Variants in SPAG5 observed in about 807,000 individuals in gnomAD.
SPAG5 encodes sperm associated antigen 5, also known as sperm-associated antigen 5.
A neutral mutation model predicts 145.4 loss-of-function variants in SPAG5; 99 were observed. That is an observed-to-expected ratio of 0.68 (90% CI 0.58 to 0.80). The LOEUF (loss-of-function observed/expected upper bound fraction) is 0.80, where lower values mean the gene tolerates loss of function less well. Ranked by LOEUF, SPAG5 falls within the 30% of genes least tolerant of loss-of-function variation. The pLI is 0.00. For synonymous variants in SPAG5, 477 were observed against 525.4 expected, an observed-to-expected ratio of 0.91 and a Z score of 1.26; for missense variants, 1,192 against 1,416.0, an observed-to-expected ratio of 0.84 and a Z score of 2.54.
At position 28,579,822 on chromosome 17, in the gene SPAG5, GGAGTT is replaced by G. The variant is rs2151519273; in HGVS notation, c.2808_2812del (p.Thr937CysfsTer7). 1 of 1,614,178 alleles carries G rather than the reference GGAGTT, an allele frequency of 6.2e-7. No homozygotes were observed. Among genetic ancestry groups the G allele is most frequent in the East Asian group, 2.2e-5 (1 of 44,884 alleles). On this transcript the variant is annotated frameshift_variant, in exon 17 of 24. Transcript: ENST00000321765. LOFTEE classifies it high-confidence loss of function. ...CTTGTCACTTCCAAGCAAGGGCACA[GGAGTT>G]GATTCTGGCTCTAAGAGAAAAACCA... is the stretch of plus-strand genomic sequence containing the variant.
intron 4 of SPAG5, among the ~76,000 whole-genome samples, chr17:28,586,745 T>A (rs2070587855): frequency 6.6e-6 from 1 of 152,120 alleles, no homozygotes; most frequent in South Asian, 2.1e-4. Flanking sequence ...TTGGCCAGGC[T>A]GGTCTTGAAC....
At chr17:28,596,559 T>C (rs1255582262) in intron 2 of SPAG5, among the ~76,000 whole-genome samples, 1 of 151,662 alleles carries the variant, frequency 6.6e-6, no homozygotes, top group Non-Finnish European at 1.5e-5. Flanking sequence ...TCCCAGCTAC[T>C]AGGGAGGCTG....
chr17:28,585,332 G>C lies in SPAG5; in HGVS notation c.1940C>G (p.Ser647Cys). 6.2e-7 allele frequency: 1 copy of C among 1,614,058 alleles called. No homozygotes were observed. The highest frequency in any genetic ancestry group is 1.6e-4 in the Middle Eastern group (1 of 6,062). Residue 647 changes from serine to cysteine, a missense_variant, in exon 9 of 24, where the codon TCC becomes TGC. Physicochemically the swap from Ser to Cys is moderately radical, Grantham distance 112. Coordinates refer to ENST00000321765, the MANE Select transcript of SPAG5 (RefSeq NM_006461.4). ...CCAAATACTCACATCCAGTTGCATG[G>C]ACCTCCAGTCTTGTTGCAAGGTAGA... Reference protein sequence around the residue: ...LTSTLQQDWRSMQLDYTTWTA... With the variant: ...LTSTLQQDWRCMQLDYTTWTA...
intron 4 of SPAG5, among the ~76,000 whole-genome samples, chr17:28,590,868 C>CAAAA (rs60727111): frequency 4.5e-4 from 17 of 37,384 alleles, no homozygotes; most frequent in South Asian, 1.3e-3. Flanking sequence ...GACTCCGTCT[C>CAAAA]AAAAAAAAAA....
At chr17:28,593,951 C>T (rs2070642232) in intron 2 of SPAG5, among the ~76,000 whole-genome samples, 1 of 151,882 alleles carries the variant, frequency 6.6e-6, no homozygotes, top group South Asian at 2.1e-4. Context: ...ACTAGAATTA[C>T]TGGCCTGGAC....
chr17:28,577,865 A>G, intron 23 of SPAG5, 95 bp from the exon 24 acceptor site: 1 of 1,245,678 alleles, frequency 8.0e-7, no homozygotes, highest in Non-Finnish European at 1.2e-6. Context: ...GAGGGGAGAA[A>G]ACAGACACCA....
intron 4 of SPAG5, 36 bp downstream of exon 4, chr17:28,591,662 C>A: frequency 6.4e-7 from 1 of 1,554,316 alleles, no homozygotes; most frequent in Non-Finnish European, 8.8e-7. Flanking sequence ...AGGATCCCCA[C>A]TGGGATCCCT....
chr17:28,589,036 C>T (rs1220289395), intron 4 of SPAG5, among the ~76,000 whole-genome samples: 1 of 151,996 alleles, frequency 6.6e-6, no homozygotes, highest in African/African-American at 2.4e-5. Flanking sequence ...ACTAAGTACC[C>T]TTAAGTTTAA....
rs139465013 is a variant in SPAG5, at chr17:28,597,655, C to G, written c.177+855G>C. 4.8e-3 allele frequency among the ~76,000 whole-genome samples: 731 copies of G among 152,298 alleles called. 2 individuals carry two copies. Among genetic ancestry groups the G allele is most frequent in the South Asian group, 0.014 (68 of 4,826 alleles). ...ATACACTCTTCTTTCCTCCTCATAC[C>G]TATTTTATTGATATCCCATCTCCTT... On this transcript the variant is annotated intron_variant, in intron 2 of 23. Coordinates refer to ENST00000321765, the MANE Select transcript of SPAG5 (RefSeq NM_006461.4).
chr17:28,597,887 T>C (rs1317587764), intron 2 of SPAG5, among the ~76,000 whole-genome samples: 1 of 152,170 alleles, frequency 6.6e-6, no homozygotes, highest in African/African-American at 2.4e-5. Context: ...AAGAAAAGGA[T>C]AGCAATTTCT....
At chr17:28,587,784 C>G (rs1374874488) in intron 4 of SPAG5, among the ~76,000 whole-genome samples, 1 of 150,852 alleles carries the variant, frequency 6.6e-6, no homozygotes, top group African/African-American at 2.4e-5. Flanking sequence ...AGTATGCTTA[C>G]CAGCATTACC....
At chr17:28,587,015 A>G (rs964415225) in intron 4 of SPAG5, among the ~76,000 whole-genome samples, 1 of 152,144 alleles carries the variant, frequency 6.6e-6, no homozygotes, top group Non-Finnish European at 1.5e-5. Context: ...TCGGACTTCC[A>G]AAGTGCTCCT....
chr17:28,590,868 C>CAAA lies in SPAG5; in HGVS notation c.1437+827_1437+829dup, dbSNP rs60727111. 5.3e-3 allele frequency among the ~76,000 whole-genome samples: 198 copies of CAAA among 37,294 alleles called. 3 individuals carry two copies. The highest frequency in any genetic ancestry group is 7.3e-3 in the Admixed American group (22 of 3,010). The allele number at this position is 37,294 out of a possible 152,430, so 24.5% of individuals were successfully genotyped here. On this transcript the variant is annotated intron_variant, in intron 4 of 23. Coordinates refer to ENST00000321765, the MANE Select transcript of SPAG5 (RefSeq NM_006461.4). ...TGGGTGACAGAGTGAGACTCCGTCT[C>CAAA]AAAAAAAAAAAAAAAAAAAAAAAAA...
Position 28,586,439 on chromosome 17 carries a change from CCTG to C in SPAG5, c.1495_1497del (p.Gln499del). On this transcript the variant is annotated inframe_deletion, in exon 5 of 24. Coordinates refer to ENST00000321765, the MANE Select transcript of SPAG5 (RefSeq NM_006461.4). ...TCATCACTTACCATGACATTTCTGG[CCTG>C]CTGTAGGGCCTGTCCCATCTCATGG... 6.2e-7 allele frequency: 1 copy of C among 1,613,512 alleles called. No individual in the cohort carries two copies. Among genetic ancestry groups the C allele is most frequent in the Non-Finnish European group, 8.5e-7 (1 of 1,179,380 alleles).
chr17:28,595,998 G>T (rs554572504), intron 2 of SPAG5, among the ~76,000 whole-genome samples: 1 of 151,976 alleles, frequency 6.6e-6, no homozygotes, highest in African/African-American at 2.4e-5. Context: ...AGTGACCCTA[G>T]ATGGCACCAC....
intron 2 of SPAG5, among the ~76,000 whole-genome samples, chr17:28,595,485 C>T (rs1040267983): frequency 1.3e-5 from 2 of 152,190 alleles, no homozygotes; most frequent in African/African-American, 2.4e-5. Context: ...CAGTGGCCCA[C>T]GCCTGTAATC....
Position 28,585,511 on chromosome 17 carries a change from G to T in SPAG5, c.1860+23C>A, listed in dbSNP as rs926756582. 7 of 1,613,796 alleles carry T rather than the reference G, an allele frequency of 4.3e-6. No individual in the cohort carries two copies. In the Admixed American group the frequency reaches 6.7e-5, roughly 15 times the overall value. On this transcript the variant is annotated intron_variant, in intron 8 of 23. Transcript: ENST00000321765. ...CCCAGTCTGTCAGCACAGACCCCAG[G>T]AAAGAAAATGCCCTTAAATTACCAG... is the stretch of plus-strand genomic sequence containing the variant.
In SPAG5 at chr17:28,580,077, G is replaced by A; in HGVS notation, c.2729C>T (p.Thr910Ile). ...GTCATTAGGCAGAGGGTGTTCCTGG[G>A]TGGGAGGACAGGCTGTACTCAGCAG... ...TLLLSTACPP[T>I]QEHPLPNDRT... is the part of the protein sequence containing the mutation. Residue 910 changes from threonine (T) to isoleucine (I), a missense_variant, in exon 16 of 24, where the codon ACC becomes ATC. This residue lies in a region of SPAG5 where 709 missense variants were observed against 840.7 expected (regional missense o/e 0.84). Coordinates refer to ENST00000321765, the MANE Select transcript of SPAG5 (RefSeq NM_006461.4). 6.2e-7 allele frequency: 1 copy of A among 1,614,106 alleles called. No individual in the cohort carries two copies. The highest frequency in any genetic ancestry group is 8.5e-7 in the Non-Finnish European group (1 of 1,180,010).
In SPAG5 at chr17:28,586,305, T is replaced by C; in HGVS notation, c.1512+120A>G. ...CGCATAAGGAGATGTACTTTACAAA[T>C]GTTTGGAAACCTCCCTTCACCACCA... On this transcript the variant is annotated intron_variant, in intron 5 of 23. Coordinates refer to ENST00000321765, the MANE Select transcript of SPAG5 (RefSeq NM_006461.4). 4 of 1,235,726 alleles carry C rather than the reference T, an allele frequency of 3.2e-6. No individual in the cohort carries two copies. In the South Asian group the frequency reaches 3.7e-5, roughly 12 times the overall value. The allele number at this position is 1,235,726 out of a possible 1,614,324, so 76.5% of individuals were successfully genotyped here.
Sources: gnomAD v4.1 joint callset for allele counts (sites outside exome capture counted in the v4.1 genomes callset) on GRCh38, gnomAD v4.1.1 for gene constraint, gnomAD v4.1.1 regional missense constraint, MANE v1.5 for transcripts, NCBI Gene and HGNC (gene_info 2026-07-23, HGNC 2026-07-21) for gene names.